The following CCDC171 variants were observed in gnomAD, a reference collection of about 807,000 sequenced individuals.
CCDC171 encodes the protein coiled-coil domain containing 171.
Under a neutral mutation model 168.2 loss-of-function variants are expected in CCDC171, and 177 were observed. That is an observed-to-expected ratio of 1.05 (90% CI 0.93 to 1.19). CCDC171 has a LOEUF of 1.19. Among genes scored for constraint, CCDC171 ranks in the 50% most tolerant of loss-of-function variants. The pLI, the probability that CCDC171 is intolerant of heterozygous loss-of-function variation, is 0.00. For missense variants in CCDC171, 1,991 were observed against 1,539.0 expected (o/e 1.29, Z -4.91); for synonymous variants, 687 against 540.8 (o/e 1.27, Z -3.75).
rs1186152223 is a variant in CCDC171 at position 15,932,273 on chromosome 9, TCTTCA to T, written c.3753+11855_3753+11859del. Among the ~76,000 whole-genome samples the T allele has an allele frequency of 2.0e-4, 30 of 152,032 alleles. No homozygotes were observed. In the South Asian group the frequency reaches 6.0e-3, roughly 30 times the overall value. Reference sequence around the variant, plus strand: ...GATATCTTTTCATTTATTTGTATCCTCTTCACTTTATTTTATTAAAATGTTATAGT... The same window carrying T: ...GATATCTTTTCATTTATTTGTATCCTCTTTATTTTATTAAAATGTTATAGT... On this transcript the variant is annotated intron_variant, in intron 25 of 25. Coordinates refer to ENST00000380701, the MANE Select transcript of CCDC171 (RefSeq NM_173550.4).
intron 24 of CCDC171, among the ~76,000 whole-genome samples, chr9:15,908,367 T>A (rs545924002): frequency 3.3e-5 from 5 of 152,250 alleles, no homozygotes; most frequent in East Asian, 1.9e-4. Context: ...GACATGGATG[T>A]AGCTGGAAAC....
chr9:15,588,649 G>A (rs188924739), intron 4 of CCDC171: 3 of 256,964 alleles, frequency 1.2e-5, no homozygotes, highest in African/African-American at 4.6e-5. Flanking sequence ...TGCACTTTTG[G>A]TGACTATACA....
chr9:16,073,740 C>T, the CCDC171 span, among the ~76,000 whole-genome samples: 2 of 152,152 alleles, frequency 1.3e-5, no homozygotes, highest in Admixed American at 6.5e-5. Flanking sequence ...CAGCATAGGT[C>T]GGTCATGAGT....
chr9:16,081,538 C>A, the CCDC171 span, among the ~76,000 whole-genome samples: 2 of 152,134 alleles, frequency 1.3e-5, no homozygotes, highest in Non-Finnish European at 2.9e-5. Context: ...AATTTGCAAT[C>A]GTGAGGAAAG....
At chr9:15,596,410 C>T (rs1407879616) in intron 6 of CCDC171, among the ~76,000 whole-genome samples, 1 of 151,998 alleles carries the variant, frequency 6.6e-6, no homozygotes, top group East Asian at 1.9e-4. Context: ...GAATCCTTTC[C>T]CCATTTCTTG....
At chr9:15,655,946 G>C (rs2047892777) in intron 7 of CCDC171, among the ~76,000 whole-genome samples, 1 of 152,170 alleles carries the variant, frequency 6.6e-6, no homozygotes. Context: ...TGAGGATGTG[G>C]AACAATGGAA....
intron 24 of CCDC171, among the ~76,000 whole-genome samples, chr9:15,907,255 C>G (rs1423285109): frequency 2.6e-5 from 4 of 152,164 alleles, no homozygotes; most frequent in Non-Finnish European, 5.9e-5. Flanking sequence ...TGACTTCAAA[C>G]TATACTACAA....
intron 21 of CCDC171, among the ~76,000 whole-genome samples, chr9:15,800,344 A>T (rs10810451): frequency 0.46 from 70,464 of 151,904 alleles, 16,633 homozygotes; most frequent in East Asian, 0.66. Context: ...TAATTTTGAT[A>T]TGCATTTCTC....
chr9:15,768,765 T>A (rs1452931807), intron 18 of CCDC171, among the ~76,000 whole-genome samples: 1 of 152,202 alleles, frequency 6.6e-6, no homozygotes, highest in African/African-American at 2.4e-5. Context: ...CCTCACTTAT[T>A]ATTTTAAGTG....
At chr9:15,903,347 G>A (rs1822000284) in intron 24 of CCDC171, among the ~76,000 whole-genome samples, 1 of 152,120 alleles carries the variant, frequency 6.6e-6, no homozygotes, top group Non-Finnish European at 1.5e-5. Context: ...CCAGAGGAAT[G>A]ATCAGGCGGC....
chr9:15,958,543 A>ATTATG, intron 25 of CCDC171, among the ~76,000 whole-genome samples: 1 of 147,434 alleles, frequency 6.8e-6, no homozygotes, highest in East Asian at 2.0e-4. Context: ...ATTATATTAT[A>ATTATG]TTATATTATA....
chr9:15,872,458 G>A (rs890586941), intron 23 of CCDC171, among the ~76,000 whole-genome samples: 1 of 151,958 alleles, frequency 6.6e-6, no homozygotes, highest in African/African-American at 2.4e-5. Flanking sequence ...TCCAGTGCTC[G>A]AACTGTGTTG....
At chr9:15,786,815 G>A (rs2135520738) in intron 21 of CCDC171, among the ~76,000 whole-genome samples, 1 of 152,144 alleles carries the variant, frequency 6.6e-6, no homozygotes, top group South Asian at 2.1e-4. Flanking sequence ...TCTTCTCCAG[G>A]ACAATGGGTC....
At chr9:15,784,780 A>T in intron 21 of CCDC171, 86 bp downstream of exon 21, 1 of 969,054 alleles carries the variant, frequency 1.0e-6, no homozygotes, top group Non-Finnish European at 1.5e-6. Context: ...CCTGAATAGG[A>T]ATAGATCCCA....
intron 23 of CCDC171, among the ~76,000 whole-genome samples, chr9:15,851,973 A>G (rs2061147558): frequency 1.3e-5 from 2 of 151,872 alleles, no homozygotes; most frequent in South Asian, 4.1e-4. Context: ...TTGTTTATGC[A>G]TTCATCAGCT....
intron 4 of CCDC171, among the ~76,000 whole-genome samples, chr9:15,579,892 T>G (rs1292478402): frequency 6.6e-6 from 1 of 152,200 alleles, no homozygotes; most frequent in East Asian, 1.9e-4. Flanking sequence ...GTGTCCAATT[T>G]TTGATTATTA....
At chr9:16,025,866 T>C (rs925989890) in intron 6 of CCDC171, among the ~76,000 whole-genome samples, 1 of 152,148 alleles carries the variant, frequency 6.6e-6, no homozygotes, top group African/African-American at 2.4e-5. Flanking sequence ...AACTAGATAA[T>C]AACAGTGGTT....
chr9:15,748,058 AC>A, intron 18 of CCDC171, among the ~76,000 whole-genome samples: 1 of 152,280 alleles, frequency 6.6e-6, no homozygotes. Flanking sequence ...AACATAAATG[AC>A]CATCATGTTG....
intron 1 of CCDC171, among the ~76,000 whole-genome samples, chr9:16,055,633 T>C (rs973208583): frequency 2.0e-5 from 3 of 152,232 alleles, no homozygotes; most frequent in Admixed American, 2.0e-4. Context: ...TTTTGGCAAA[T>C]GAAACGTGTA....
Sources: allele counts gnomAD v4.1 joint callset (sites outside exome capture counted in the v4.1 genomes callset), GRCh38; gene constraint gnomAD v4.1.1; transcripts MANE v1.5; gene names NCBI Gene and HGNC (gene_info 2026-07-23, HGNC 2026-07-21).